The following UBTF variants were observed in gnomAD, a reference collection of about 807,000 sequenced individuals.
UBTF encodes nucleolar transcription factor 1.
UBTF carries 8 observed loss-of-function variants against 112.3 expected under a neutral mutation model. The observed-to-expected ratio is 0.07, with a 90% CI of 0.04 to 0.13. The LOEUF (loss-of-function observed/expected upper bound fraction) is 0.13, where lower values mean the gene tolerates loss of function less well. Among genes scored for constraint, UBTF ranks in the 10% least tolerant of loss-of-function variants. UBTF has a pLI of 1.00. For missense variants in UBTF, 457 were observed against 982.1 expected (o/e 0.47, Z 7.15); for synonymous variants, 417 against 373.1 (o/e 1.12, Z -1.36).
Position 44,207,768 on chromosome 17 carries a change from T to C in UBTF, c.1956A>G (p.Lys652=). Residue 652 remains lysine (K), a splice_region_variant and synonymous_variant, in exon 19 of 21, where the codon AAA becomes AAG. Coordinates refer to ENST00000436088, the MANE Select transcript of UBTF (RefSeq NM_014233.4). ...CTCGCAGCTTGGTCATGCTCTTACG[T>C]TTCTGCAGGATGGGGACACAAAGGT... is the stretch of plus-strand genomic sequence containing the variant. ...RAAYKEYISN[K]RKSMTKLRGP... 6.2e-7 allele frequency: 1 copy of C among 1,614,064 alleles called. No homozygotes were observed. The highest frequency in any genetic ancestry group is 8.5e-7 in the Non-Finnish European group (1 of 1,180,010).
Position 44,210,250 on chromosome 17 carries a change from G to T in UBTF, c.1516-16C>A. Reference sequence around the variant, plus strand: ...CCCGGTCATTCTGGGGACCAATAAGGGTATCAGCCGTGGGAGGGGTCACCC... The same window carrying T: ...CCCGGTCATTCTGGGGACCAATAAGTGTATCAGCCGTGGGAGGGGTCACCC... On this transcript the variant is annotated splice_polypyrimidine_tract_variant and intron_variant, in intron 14 of 20. Coordinates refer to ENST00000436088, the MANE Select transcript of UBTF (RefSeq NM_014233.4). 6.2e-7 allele frequency: 1 copy of T among 1,614,230 alleles called. No individual in the cohort carries two copies. The highest frequency in any genetic ancestry group is 8.5e-7 in the Non-Finnish European group (1 of 1,180,044).
chr17:44,211,760 C>A lies in UBTF; in HGVS notation c.906-13G>T. ...CGAGTAGCTGTTCCTATCAGAGCCG[C>A]GGGGAGAGAGGTGCAGCCCGTAAGC... On this transcript the variant is annotated splice_polypyrimidine_tract_variant and intron_variant, in intron 9 of 20. Coordinates refer to ENST00000436088, the MANE Select transcript of UBTF (RefSeq NM_014233.4). The surrounding 1 kb of genome is among the most constrained non-coding windows in gnomAD (Gnocchi z 4.9). 6.2e-7 allele frequency: 1 copy of A among 1,603,396 alleles called. No homozygotes were observed. The highest frequency in any genetic ancestry group is 8.5e-7 in the Non-Finnish European group (1 of 1,177,608).
Position 44,206,982 on chromosome 17 carries a change from T to C in UBTF, c.*260A>G. The C allele has an allele frequency of 3.7e-6, 2 of 545,240 alleles. No individual in the cohort carries two copies. The highest frequency in any genetic ancestry group is 6.4e-6 in the Non-Finnish European group (2 of 310,726). The allele number at this position is 545,240 out of a possible 1,614,324, so 33.8% of individuals were successfully genotyped here. A position where few individuals can be genotyped will look rare whatever the true frequency, so the allele number is the denominator to read the frequency against. ...CAGAAGTGGGTGGGGTGGGCCAGGCTGGTCCGGTGCTGGCTTAGTCTGATA... is the reference window on the plus strand; with the variant it reads ...CAGAAGTGGGTGGGGTGGGCCAGGCCGGTCCGGTGCTGGCTTAGTCTGATA... On this transcript the variant is annotated 3_prime_UTR_variant, in exon 21 of 21. Transcript: ENST00000436088.
rs752343603 is a variant in UBTF at position 44,207,704 on chromosome 17, T to C, written c.2020A>G (p.Lys674Glu). 1 of 1,614,210 alleles carries C rather than the reference T, an allele frequency of 6.2e-7. No individual in the cohort carries two copies. Among genetic ancestry groups the C allele is most frequent in the East Asian group, 2.2e-5 (1 of 44,888 alleles). The change falls in exon 19 of 21, where the codon AAG (lysine) becomes GAG (glutamate). Residue 674 changes from lysine (K) to glutamate (E), a missense_variant. Coordinates refer to ENST00000436088, the MANE Select transcript of UBTF (RefSeq NM_014233.4). ...ATCTGGGAGGGGCTCCTTACCGACTTGGACTGCAGAGTAGTCCGGCTGGAT... is the reference window on the plus strand; with the variant it reads ...ATCTGGGAGGGGCTCCTTACCGACTCGGACTGCAGAGTAGTCCGGCTGGAT... The part of the protein sequence containing the change: ...PKSSRTTLQS[K>E]SESEEDDEED...
intron 1 of UBTF, chr17:44,218,576 C>T (rs1156891835): frequency 2.9e-5 from 8 of 277,444 alleles, no homozygotes; most frequent in Non-Finnish European, 4.5e-5. Context: ...GCCCTCCGCC[C>T]CGCTTCCCAA....
At chr17:44,210,739 A>T (rs1373697407) in intron 13 of UBTF, 53 bp downstream of exon 13, 56 of 1,545,194 alleles carry the variant, frequency 3.6e-5, no homozygotes, top group Non-Finnish European at 4.9e-5. Flanking sequence ...CAAGGGGAAG[A>T]GGGGGCCCTG....
intron 13 of UBTF, 70 bp from the exon 14 acceptor site, chr17:44,210,543 C>T (rs1375975937): frequency 6.8e-7 from 1 of 1,470,536 alleles, no homozygotes; most frequent in Non-Finnish European, 8.9e-7. Flanking sequence ...CGCAGCAGCC[C>T]AGGCGCTCCC....
In UBTF at chr17:44,207,330, T is replaced by C; in HGVS notation, c.2207A>G (p.Asp736Gly). The change falls in exon 21 of 21, where the codon GAT (aspartate) becomes GGT (glycine). Residue 736 changes from aspartate (D) to glycine (G), a missense_variant. Physicochemically the swap from Asp to Gly is moderately conservative, Grantham distance 94. This residue lies in a region of UBTF where 139 missense variants were observed against 157.5 expected (regional missense o/e 0.88). Transcript: ENST00000436088. ...EDDEDEDDDE[D>G]DDEDEDNESE... ...CTCATTATCTTCATCCTCATCGTCATCCTCGTCGTCGTCTTCGTCCTCGTC... is the reference window on the plus strand; with the variant it reads ...CTCATTATCTTCATCCTCATCGTCACCCTCGTCGTCGTCTTCGTCCTCGTC... 6.2e-7 allele frequency: 1 copy of C among 1,612,540 alleles called. No individual in the cohort carries two copies. The highest frequency in any genetic ancestry group is 8.5e-7 in the Non-Finnish European group (1 of 1,179,404).
chr17:44,208,092 ATTTTTTTTTTT>A lies in UBTF; in HGVS notation c.1906-192_1906-182del, dbSNP rs57107684. 0.022 allele frequency among the ~76,000 whole-genome samples: 2,592 copies of A among 118,034 alleles called. 82 individuals are homozygous for A. Among genetic ancestry groups the A allele is most frequent in the African/African-American group, 0.077 (2,365 of 30,564 alleles). 77.4% of individuals were successfully genotyped at this position (118,034 alleles called of 152,430 possible). ...CCTGGGATCTGAGAACACAGCTCTAATTTTTTTTTTTTTTTTTTTTTTTTTTTTGAAACAGG... is the reference window on the plus strand; with the variant it reads ...CCTGGGATCTGAGAACACAGCTCTAATTTTTTTTTTTTTTTTTGAAACAGG... On this transcript the variant is annotated intron_variant, in intron 17 of 20. Coordinates refer to ENST00000436088, the MANE Select transcript of UBTF (RefSeq NM_014233.4).
In UBTF at chr17:44,205,302, C is replaced by T. The variant is rs965196672; in HGVS notation, c.*1940G>A. 6.6e-6 allele frequency: 1 copy of T among 152,580 alleles called. No homozygotes were observed. The highest frequency in any genetic ancestry group is 1.5e-5 in the Non-Finnish European group (1 of 68,020). The allele number at this position is 152,580 out of a possible 1,614,324, so 9.5% of individuals were successfully genotyped here. A position where few individuals can be genotyped will look rare whatever the true frequency, so the allele number is the denominator to read the frequency against. ...CCTCTTACAGCACCAACACCCCCACCCTGACAGTCCTGTTTGTACTGTAAG... is the reference window on the plus strand; with the variant it reads ...CCTCTTACAGCACCAACACCCCCACTCTGACAGTCCTGTTTGTACTGTAAG... On this transcript the variant is annotated 3_prime_UTR_variant, in exon 21 of 21. Transcript: ENST00000436088.
Position 44,215,765 on chromosome 17 carries a change from G to A in UBTF, c.363C>T (p.Arg121=), listed in dbSNP as rs766218626. The A allele has an allele frequency of 1.2e-6, 2 of 1,614,144 alleles. No individual in the cohort carries two copies. Among genetic ancestry groups the A allele is most frequent in the Middle Eastern group, 1.6e-4 (1 of 6,062 alleles). The change falls in exon 5 of 21, where the codon CGC becomes CGT. Residue 121 remains arginine, a synonymous_variant. Transcript: ENST00000436088. ...ACTTGGCCCGCTTCTCCATGAAGAA[G>A]CGGAAATAAGGGGTCAGGGGCTTCT... ...FPKKPLTPYF[R]FFMEKRAKYA...
chr17:44,207,668 C>T (rs569600826), intron 19 of UBTF, 31 bp downstream of exon 19: 1 of 1,614,230 alleles, frequency 6.2e-7, no homozygotes, highest in South Asian at 1.1e-5. Context: ...CCCCCCGCCC[C>T]ACGCCCCTGC....
upstream of UBTF, chr17:44,221,220 GC>G (rs1473708258): frequency 6.6e-6 from 1 of 152,230 alleles, no homozygotes; most frequent in Admixed American, 6.5e-5. Flanking sequence ...CGCCGGGAGG[GC>G]TAGGGGTGGG....
intron 13 of UBTF, 125 bp from the exon 14 acceptor site, chr17:44,210,598 G>T: frequency 7.2e-7 from 1 of 1,398,492 alleles, no homozygotes; most frequent in Non-Finnish European, 9.3e-7. Flanking sequence ...CTCCCGCCTG[G>T]GGCTCGCCCC....
chr17:44,214,768 G>A (rs536822736), intron 5 of UBTF, among the ~76,000 whole-genome samples: 1 of 152,276 alleles, frequency 6.6e-6, no homozygotes, highest in Admixed American at 6.5e-5. Context: ...AACTGGCTGT[G>A]TATGACTTTG....
upstream of UBTF, chr17:44,220,702 CCT>C (rs1193135841): frequency 6.6e-6 from 1 of 152,222 alleles, no homozygotes; most frequent in East Asian, 1.9e-4. Flanking sequence ...CGTAGCAACC[CCT>C]CTCCCCCGAA....
In UBTF at chr17:44,207,681, C is replaced by G; in HGVS notation, c.2025+18G>C. 1 of 1,614,200 alleles carries G rather than the reference C, an allele frequency of 6.2e-7. No individual in the cohort carries two copies. On this transcript the variant is annotated intron_variant, in intron 19 of 20. Transcript: ENST00000436088. ...TGCCCCCCGCCCCACGCCCCTGCAT[C>G]TGGGAGGGGCTCCTTACCGACTTGG... is the stretch of plus-strand genomic sequence containing the variant.
chr17:44,207,240 C>T lies in UBTF; in HGVS notation c.*2G>A, dbSNP rs1265946955. 6.2e-7 allele frequency: 1 copy of T among 1,613,456 alleles called. No individual in the cohort carries two copies. The highest frequency in any genetic ancestry group is 8.5e-7 in the Non-Finnish European group (1 of 1,179,846). On this transcript the variant is annotated 3_prime_UTR_variant, in exon 21 of 21. Transcript: ENST00000436088. ...CTGGCTGCCCTGGGGTGGGGCTGAG[C>T]CTCAGTTGGAGTCAGAGTCTGAGGA... is the stretch of plus-strand genomic sequence containing the variant.
chr17:44,214,309 A>T (rs1465925694), intron 5 of UBTF, among the ~76,000 whole-genome samples: 2 of 152,208 alleles, frequency 1.3e-5, no homozygotes, highest in African/African-American at 2.4e-5. Context: ...CTCCTCAGAC[A>T]AAACAGTTTT....
Sources: gnomAD v4.1 joint callset for allele counts (sites outside exome capture counted in the v4.1 genomes callset) on GRCh38, gnomAD v4.1.1 for gene constraint, gnomAD v4.1.1 regional missense constraint, Gnocchi (gnomAD v3.1) non-coding constraint, MANE v1.5 for transcripts, NCBI Gene and HGNC (gene_info 2026-07-23, HGNC 2026-07-21) for gene names.